The following STAU2 variants were observed in gnomAD, a reference collection of about 807,000 sequenced individuals.
STAU2 encodes the protein double-stranded RNA-binding protein Staufen homolog 2.
A neutral mutation model predicts 65.9 loss-of-function variants in STAU2; 20 were observed. The ratio of observed to expected loss-of-function variants is 0.30; its 90% CI spans 0.21 to 0.44. The LOEUF (loss-of-function observed/expected upper bound fraction) is 0.44, where lower values mean the gene tolerates loss of function less well. Ranked by LOEUF, STAU2 falls within the 20% of genes least tolerant of loss-of-function variation. STAU2 has a pLI of 1.00. For synonymous variants in STAU2, 232 were observed against 233.9 expected, an observed-to-expected ratio of 0.99 and a Z score of 0.07; for missense variants, 558 against 683.9, an observed-to-expected ratio of 0.82 and a Z score of 2.05.
intron 13 of STAU2, among the ~76,000 whole-genome samples, chr8:73,451,765 T>C (rs749017878): frequency 2.6e-5 from 4 of 152,130 alleles, no homozygotes; most frequent in Non-Finnish European, 4.4e-5. Flanking sequence ...GATTAGGTTT[T>C]GTACACTTTC....
At chr8:73,448,087 G>A (rs1255175925) in intron 13 of STAU2, among the ~76,000 whole-genome samples, 1 of 152,122 alleles carries the variant, frequency 6.6e-6, no homozygotes, top group Non-Finnish European at 1.5e-5. Context: ...CAAAGTGACT[G>A]GACCCTCCCA....
At chr8:73,484,349 A>C (rs931335097) in intron 13 of STAU2, among the ~76,000 whole-genome samples, 2 of 152,164 alleles carry the variant, frequency 1.3e-5, no homozygotes, top group African/African-American at 4.8e-5. Flanking sequence ...AAAGGTTAAA[A>C]GACAAAGGTT....
At chr8:73,692,803 T>C (rs1426723126) in intron 4 of STAU2, among the ~76,000 whole-genome samples, 1 of 152,146 alleles carries the variant, frequency 6.6e-6, no homozygotes, top group African/African-American at 2.4e-5. Flanking sequence ...ATCCAGTCAA[T>C]GTATGGGGAC....
intron 6 of STAU2, chr8:73,653,806 G>C (rs1816088027): frequency 4.5e-5 from 17 of 381,560 alleles, no homozygotes; most frequent in Middle Eastern, 3.6e-4. Flanking sequence ...GAGTCTTCAA[G>C]AGAGATACAG....
In STAU2 at chr8:73,467,551, A is replaced by T. The variant is rs186713813; in HGVS notation, c.1531-44849T>A. ...TCTCAAATAAATAAATAAATAATTT[A>T]AAAAAATTGATTAGTTCTTCTCACA... On this transcript the variant is annotated intron_variant, in intron 13 of 14. Transcript: ENST00000524300. 2.9e-3 allele frequency among the ~76,000 whole-genome samples: 443 copies of T among 152,202 alleles called. 3 individuals are homozygous for T. The highest frequency in any genetic ancestry group is 9.0e-3 in the African/African-American group (373 of 41,536).
At chr8:73,594,110 G>A (rs553347581) in intron 11 of STAU2, among the ~76,000 whole-genome samples, 14 of 152,158 alleles carry the variant, frequency 9.2e-5, no homozygotes, top group African/African-American at 3.4e-4. Flanking sequence ...AATGTGTTAA[G>A]TTAAAACAAC....
chr8:73,653,104 G>A (rs1816033348), intron 6 of STAU2: 1 of 152,112 alleles, frequency 6.6e-6, no homozygotes, highest in Non-Finnish European at 1.5e-5. Context: ...ATATGCAAAG[G>A]TGCACTGACA....
At chr8:73,720,942 A>G (rs1586348442) in intron 3 of STAU2, among the ~76,000 whole-genome samples, 2 of 151,878 alleles carry the variant, frequency 1.3e-5, no homozygotes, top group African/African-American at 4.8e-5. Flanking sequence ...CACTGTAATC[A>G]GATACAATTT....
chr8:73,541,477 T>C (rs904984138), intron 13 of STAU2, among the ~76,000 whole-genome samples: 3 of 152,108 alleles, frequency 2.0e-5, no homozygotes, highest in Non-Finnish European at 4.4e-5. Context: ...AAAATATTAA[T>C]CTGGGGAAGA....
chr8:73,520,169 T>C (rs937797373), intron 13 of STAU2, among the ~76,000 whole-genome samples: 8 of 152,202 alleles, frequency 5.3e-5, no homozygotes, highest in Non-Finnish European at 7.3e-5. Flanking sequence ...AAAGATGAGA[T>C]TGGAGACATA....
chr8:73,470,284 A>C (rs1819917601), intron 13 of STAU2, among the ~76,000 whole-genome samples: 1 of 152,194 alleles, frequency 6.6e-6, no homozygotes, highest in South Asian at 2.1e-4. Flanking sequence ...AGTCTGGGAA[A>C]AAGATCCCCA....
intron 13 of STAU2, among the ~76,000 whole-genome samples, chr8:73,548,753 G>A (rs570064319): frequency 1.7e-4 from 26 of 152,168 alleles, no homozygotes; most frequent in South Asian, 8.3e-4. Context: ...CACTATACTC[G>A]GAAGGTTTCA....
At chr8:73,540,138 C>T (rs1312299671) in intron 13 of STAU2, among the ~76,000 whole-genome samples, 2 of 152,146 alleles carry the variant, frequency 1.3e-5, no homozygotes, top group Non-Finnish European at 2.9e-5. Context: ...TTGAATGTAA[C>T]CTTATTTGAA....
At chr8:73,425,963 T>C (rs546021070) in intron 13 of STAU2, among the ~76,000 whole-genome samples, 1 of 152,290 alleles carries the variant, frequency 6.6e-6, no homozygotes, top group East Asian at 1.9e-4. Context: ...CAGCTAATGT[T>C]TGTACTTTTA....
chr8:73,526,092 A>C (rs1805434739), intron 13 of STAU2, among the ~76,000 whole-genome samples: 1 of 152,192 alleles, frequency 6.6e-6, no homozygotes, highest in African/African-American at 2.4e-5. Flanking sequence ...TTTCCATATT[A>C]ATATGCTACA....
chr8:73,686,188 A>T (rs1368163468), intron 5 of STAU2, among the ~76,000 whole-genome samples: 1 of 152,150 alleles, frequency 6.6e-6, no homozygotes, highest in Non-Finnish European at 1.5e-5. Flanking sequence ...GCCAAAGCAG[A>T]TGGATCACGA....
intron 5 of STAU2, among the ~76,000 whole-genome samples, chr8:73,679,023 C>T (rs1399858455): frequency 1.3e-5 from 2 of 152,066 alleles, no homozygotes; most frequent in African/African-American, 2.4e-5. Flanking sequence ...TTGACAGGCA[C>T]AAAATCTTTC....
At chr8:73,603,076 AT>A (rs1245198801) in intron 10 of STAU2, among the ~76,000 whole-genome samples, 2 of 152,218 alleles carry the variant, frequency 1.3e-5, no homozygotes, top group Non-Finnish European at 2.9e-5. Flanking sequence ...TGAAATTGTA[AT>A]AAAAAAGTAA....
At chr8:73,604,137 C>T (rs1317792749) in intron 9 of STAU2, among the ~76,000 whole-genome samples, 1 of 152,136 alleles carries the variant, frequency 6.6e-6, no homozygotes, top group Admixed American at 6.5e-5. Flanking sequence ...AGGTGCTTCA[C>T]AACTTCTGTT....
Sources: allele counts gnomAD v4.1 joint callset (sites outside exome capture counted in the v4.1 genomes callset), GRCh38; gene constraint gnomAD v4.1.1; transcripts MANE v1.5; gene names NCBI Gene and HGNC (gene_info 2026-07-23, HGNC 2026-07-21).